ARPC1A: variants seen among roughly 807,000 people sequenced by gnomAD.
The protein encoded by ARPC1A is actin related protein 2/3 complex subunit 1A.
A neutral mutation model predicts 46.9 loss-of-function variants in ARPC1A; 8 were observed. The ratio of observed to expected loss-of-function variants is 0.17; its 90% CI spans 0.10 to 0.31. The LOEUF (loss-of-function observed/expected upper bound fraction) is 0.31, where lower values mean the gene tolerates loss of function less well. ARPC1A is among the 10% of genes least tolerant of loss of function. The pLI is 1.00. For synonymous variants in ARPC1A, 152 were observed against 169.0 expected (o/e 0.90, Z 0.78); for missense variants, 286 against 483.6 (o/e 0.59, Z 3.83).
intron 5 of ARPC1A, among the ~76,000 whole-genome samples, chr7:99,351,966 C>T (rs1793549091): frequency 1.3e-5 from 2 of 152,126 alleles, no homozygotes; most frequent in African/African-American, 4.8e-5. Context: ...CTATAAAGGA[C>T]CTGCCTCCAT....
rs1172071932 is a variant in ARPC1A at position 99,344,920 on chromosome 7, C to CTTTTTTTTTTT, written c.392+424_392+434dup. 4.6e-3 allele frequency among the ~76,000 whole-genome samples: 92 copies of CTTTTTTTTTTT among 20,108 alleles called. 26 individuals carry two copies. The highest frequency in any genetic ancestry group is 0.014 in the African/African-American group (64 of 4,574). 13.2% of individuals were successfully genotyped at this position (20,108 alleles called of 152,430 possible). ...TAGGATTCCTACAGATAACAATGTT[C>CTTTTTTTTTTT]TTTTTTTTTTTTTTTTTTTTTTTTT... On this transcript the variant is annotated intron_variant, in intron 4 of 9. Coordinates refer to ENST00000262942, the MANE Select transcript of ARPC1A (RefSeq NM_006409.4).
In ARPC1A at chr7:99,333,333, C is replaced by T. The variant is rs776296295; in HGVS notation, c.-21C>T. 2.5e-6 allele frequency: 4 copies of T among 1,606,774 alleles called. No individual in the cohort carries two copies. The South Asian group carries it at 3.3e-5, about 13-fold the overall frequency. ...GTTATTGTTCATTGCAGCTTTCTCT[C>T]CTTTGAAAACACTAAGAATAATGTC... On this transcript the variant is annotated 5_prime_UTR_variant, in exon 2 of 10. Transcript: ENST00000262942.
intron 2 of ARPC1A, among the ~76,000 whole-genome samples, chr7:99,337,131 T>C (rs576622477): frequency 2.6e-5 from 4 of 151,908 alleles, no homozygotes; most frequent in African/African-American, 9.7e-5. Flanking sequence ...CACTGAAAAT[T>C]TGAAATCCAG....
intron 1 of ARPC1A, among the ~76,000 whole-genome samples, chr7:99,329,612 T>G (rs537719033): frequency 6.6e-6 from 1 of 152,326 alleles, no homozygotes; most frequent in Non-Finnish European, 1.5e-5. Flanking sequence ...GCCACCTGAT[T>G]ATAAAAGAAG....
intron 4 of ARPC1A, among the ~76,000 whole-genome samples, chr7:99,347,829 CAAA>C (rs755158875): frequency 9.9e-5 from 9 of 90,538 alleles, no homozygotes; most frequent in Non-Finnish European, 9.5e-5. Context: ...AACTCCATCT[CAAA>C]AAAAAAAAAA....
chr7:99,331,592 T>C (rs7779190), intron 1 of ARPC1A, among the ~76,000 whole-genome samples: 1,585 of 152,272 alleles, frequency 0.01, 22 homozygotes, highest in African/African-American at 0.035. Flanking sequence ...TTCCCTGTTA[T>C]ACAAAATACA....
chr7:99,345,079 C>T (rs1793425200), intron 4 of ARPC1A, among the ~76,000 whole-genome samples: 1 of 151,538 alleles, frequency 6.6e-6, no homozygotes, highest in East Asian at 1.9e-4. Flanking sequence ...GGATTACAGT[C>T]ACCTGCCATC....
intron 8 of ARPC1A, among the ~76,000 whole-genome samples, chr7:99,362,308 T>C (rs1336281511): frequency 6.9e-6 from 1 of 145,226 alleles, no homozygotes; most frequent in Non-Finnish European, 1.5e-5. Context: ...AATAAATAAA[T>C]AAAATAAAAA....
At chr7:99,354,178 G>T in intron 6 of ARPC1A, 57 bp downstream of exon 6, 2 of 1,568,012 alleles carry the variant, frequency 1.3e-6, no homozygotes, top group Non-Finnish European at 1.7e-6. Flanking sequence ...TCTCTCACCA[G>T]CTGAACCAGG....
intron 9 of ARPC1A, among the ~76,000 whole-genome samples, chr7:99,365,638 G>C (rs1484059861): frequency 6.6e-6 from 1 of 151,646 alleles, no homozygotes; most frequent in Non-Finnish European, 1.5e-5. Flanking sequence ...AAAGAGGAGT[G>C]AGGAGTGTGC....
At position 99,354,156 on chromosome 7, in the gene ARPC1A, C is replaced by G. The variant is rs369372279; in HGVS notation, c.713+35C>G. 9 of 1,600,036 alleles carry G rather than the reference C, an allele frequency of 5.6e-6. No individual in the cohort carries two copies. The African/African-American group carries it at 9.4e-5, about 17-fold the overall frequency. ...TGCCTTTCATTTGGAAGGTGGGGAACAAGGGGTGGGATCTCTCACCAGCTG... is the reference window on the plus strand; with the variant it reads ...TGCCTTTCATTTGGAAGGTGGGGAAGAAGGGGTGGGATCTCTCACCAGCTG... On this transcript the variant is annotated intron_variant, in intron 6 of 9. Coordinates refer to ENST00000262942, the MANE Select transcript of ARPC1A (RefSeq NM_006409.4).
chr7:99,348,731 A>AT (rs533788079), intron 4 of ARPC1A, 121 bp from the exon 5 acceptor site: 113 of 552,108 alleles, frequency 2.0e-4, no homozygotes, highest in African/African-American at 5.4e-4. Context: ...TTGTTTTATA[A>AT]TTTTTTTTTA....
chr7:99,328,175 G>C lies in ARPC1A; in HGVS notation c.-30+2171G>C, dbSNP rs554071793. Among the ~76,000 whole-genome samples, 3 of 152,250 alleles carry C rather than the reference G, an allele frequency of 2.0e-5. No homozygotes were observed. In the South Asian group the frequency reaches 6.2e-4, roughly 32 times the overall value. On this transcript the variant is annotated intron_variant, in intron 1 of 9. Coordinates refer to ENST00000262942, the MANE Select transcript of ARPC1A (RefSeq NM_006409.4). The stretch of plus-strand genomic sequence containing the variant: ...CACCAAGGTCAGGAGTTTGAGACCA[G>C]CCTGACCAACATGGAGAAACCCCGT...
intron 8 of ARPC1A, among the ~76,000 whole-genome samples, chr7:99,362,211 T>C (rs1323314394): frequency 6.6e-6 from 1 of 151,548 alleles, no homozygotes; most frequent in Non-Finnish European, 1.5e-5. Context: ...GGAGAATCGC[T>C]TGAACCTGGG....
intron 3 of ARPC1A, among the ~76,000 whole-genome samples, chr7:99,338,893 A>G (rs1395545009): frequency 6.6e-6 from 1 of 152,198 alleles, no homozygotes; most frequent in Non-Finnish European, 1.5e-5. Context: ...TAACATGAAA[A>G]TGTAGACAAC....
intron 2 of ARPC1A, among the ~76,000 whole-genome samples, chr7:99,336,851 G>A (rs891055249): frequency 7.2e-5 from 11 of 152,238 alleles, no homozygotes; most frequent in African/African-American, 2.6e-4. Flanking sequence ...GCTGGGCATC[G>A]TGGCTCATGC....
At chr7:99,355,166 C>T (rs1343903180) in intron 6 of ARPC1A, among the ~76,000 whole-genome samples, 1 of 151,814 alleles carries the variant, frequency 6.6e-6, no homozygotes, top group African/African-American at 2.4e-5. Context: ...CCTGTAATCC[C>T]AGCTACTCGG....
intron 7 of ARPC1A, 39 bp downstream of exon 7, chr7:99,358,454 A>T (rs892268530): frequency 9.7e-6 from 15 of 1,553,482 alleles, no homozygotes; most frequent in Non-Finnish European, 1.3e-5. Context: ...GGTGCACTGT[A>T]TGTGATGCTC....
rs1390834294 is a variant in ARPC1A at position 99,358,343 on chromosome 7, C to T, written c.717C>T (p.Val239=). The T allele has an allele frequency of 1.9e-6, 3 of 1,614,014 alleles. No individual in the cohort carries two copies. Among genetic ancestry groups the T allele is most frequent in the Admixed American group, 3.3e-5 (2 of 60,002 alleles). The change falls in exon 7 of 10, where the codon GTC becomes GTT. Residue 239 remains valine, a synonymous_variant. Coordinates refer to ENST00000262942, the MANE Select transcript of ARPC1A (RefSeq NM_006409.4). ...SVADASKSVQ[V]STLKTEFLPL... is the part of the protein sequence containing the mutation. ...TAACACATGTTCTTGTGTTCAGGGTCTCGACTCTGAAGACAGAGTTCCTGC... is the reference window on the plus strand; with the variant it reads ...TAACACATGTTCTTGTGTTCAGGGTTTCGACTCTGAAGACAGAGTTCCTGC...
Sources: allele counts gnomAD v4.1 joint callset (sites outside exome capture counted in the v4.1 genomes callset), GRCh38; gene constraint gnomAD v4.1.1; transcripts MANE v1.5; gene names NCBI Gene and HGNC (gene_info 2026-07-23, HGNC 2026-07-21).